DNAJC8: variants seen among roughly 807,000 people sequenced by gnomAD.
DNAJC8 encodes dnaJ homolog subfamily C member 8.
In DNAJC8, 24 loss-of-function variants were observed where a neutral mutation model predicts 43.2. The ratio of observed to expected loss-of-function variants is 0.56; its 90% CI spans 0.40 to 0.78. DNAJC8 has a LOEUF of 0.78. Among genes scored for constraint, DNAJC8 ranks in the 30% least tolerant of loss-of-function variants. DNAJC8 has a pLI of 0.00. For synonymous variants in DNAJC8, 83 were observed against 98.0 expected (o/e 0.85, Z 0.90); for missense variants, 207 against 299.4 (o/e 0.69, Z 2.28).
intron 2 of DNAJC8, among the ~76,000 whole-genome samples, chr1:28,224,238 A>T (rs1260138025): frequency 6.6e-6 from 1 of 152,206 alleles, no homozygotes; most frequent in Non-Finnish European, 1.5e-5. Context: ...ATACTTATTC[A>T]TTACAAAGGG....
chr1:28,210,511 G>T lies in DNAJC8; in HGVS notation c.304+60C>A. 2.8e-6 allele frequency: 4 copies of T among 1,439,344 alleles called. No individual in the cohort carries two copies. The South Asian group carries it at 4.6e-5, about 17-fold the overall frequency. The allele number at this position is 1,439,344 out of a possible 1,614,324, so 89.2% of individuals were successfully genotyped here. Reference sequence around the variant, plus strand: ...CAGTCTTTGCTTGATCTAGGACAAGGAACAGTTAGGCCCTGCCATTCACAA... The same window carrying T: ...CAGTCTTTGCTTGATCTAGGACAAGTAACAGTTAGGCCCTGCCATTCACAA... On this transcript the variant is annotated intron_variant, in intron 4 of 8. Coordinates refer to ENST00000263697, the MANE Select transcript of DNAJC8 (RefSeq NM_014280.3).
chr1:28,216,830 C>T (rs1310704686), intron 2 of DNAJC8, among the ~76,000 whole-genome samples: 6 of 135,628 alleles, frequency 4.4e-5, no homozygotes, highest in Non-Finnish European at 7.8e-5. Flanking sequence ...TTTTTTGAGA[C>T]GGAGTTTTGC....
At chr1:28,221,535 T>TA (rs977038544) in intron 2 of DNAJC8, among the ~76,000 whole-genome samples, 1 of 152,132 alleles carries the variant, frequency 6.6e-6, no homozygotes, top group Non-Finnish European at 1.5e-5. Context: ...AATAGGGCAC[T>TA]AAAATCCTAG....
intron 2 of DNAJC8, among the ~76,000 whole-genome samples, chr1:28,224,136 T>C (rs929645731): frequency 1.6e-4 from 25 of 152,222 alleles, no homozygotes; most frequent in South Asian, 1.2e-3. Flanking sequence ...CTGAATAAAA[T>C]AGAAAAACCT....
In DNAJC8 at chr1:28,205,273, T is replaced by G. The variant is rs1429102074; in HGVS notation, c.548A>C (p.Lys183Thr). Residue 183 changes from lysine to threonine, a missense_variant, in exon 7 of 9, where the codon AAA (lysine) becomes ACA (threonine). By Grantham distance (78) the Lys-to-Thr change is moderately conservative. Around this residue, in one of 2 missense-constraint regions of DNAJC8, gnomAD observed 159 missense variants for 267.5 expected, o/e 0.59. Transcript: ENST00000263697. The part of the protein sequence containing the change: ...LEIKRKEREA[K>T]EMHERKRQRE... ...TGATATGTACCTTTCATGCATCTCT[T>G]TGGCTTCTCTCTCTTTCCTTTTAAT... 1 of 1,612,370 alleles carries G rather than the reference T, an allele frequency of 6.2e-7. No homozygotes were observed. Among genetic ancestry groups the G allele is most frequent in the Non-Finnish European group, 8.5e-7 (1 of 1,179,286 alleles).
chr1:28,228,534 T>C (rs1027837204), intron 2 of DNAJC8, among the ~76,000 whole-genome samples: 12 of 152,048 alleles, frequency 7.9e-5, no homozygotes, highest in African/African-American at 2.2e-4. Context: ...AAAGACAATC[T>C]ATATACAGGT....
At position 28,214,985 on chromosome 1, in the gene DNAJC8, T is replaced by C; in HGVS notation, c.192A>G (p.Ile64Met). 1 of 1,608,396 alleles carries C rather than the reference T, an allele frequency of 6.2e-7. No individual in the cohort carries two copies. Among genetic ancestry groups the C allele is most frequent in the Non-Finnish European group, 8.5e-7 (1 of 1,177,378 alleles). The change falls in exon 3 of 9, where the codon ATA (isoleucine) becomes ATG (methionine). Residue 64 changes from isoleucine (I) to methionine (M), a missense_variant. By Grantham distance (10) the Ile-to-Met change is conservative. Coordinates refer to ENST00000263697, the MANE Select transcript of DNAJC8 (RefSeq NM_014280.3). The stretch of plus-strand genomic sequence containing the variant: ...TTTCTTCATCTGTAACTTCAGGATC[T>C]ATCTGAAGAACCTGGAAGTATCAAA... ...FNLNPFEVLQ[I>M]DPEVTDEEIK...
chr1:28,222,127 C>G (rs1017307647), intron 2 of DNAJC8, among the ~76,000 whole-genome samples: 1 of 151,968 alleles, frequency 6.6e-6, no homozygotes, highest in Non-Finnish European at 1.5e-5. Context: ...TTCAGTTTTA[C>G]AAGATGAAAA....
intron 2 of DNAJC8, among the ~76,000 whole-genome samples, chr1:28,223,901 C>T (rs903674773): frequency 1.3e-5 from 2 of 152,072 alleles, no homozygotes; most frequent in Non-Finnish European, 2.9e-5. Context: ...AATGAATCTA[C>T]CTAGCATTCA....
intron 3 of DNAJC8, among the ~76,000 whole-genome samples, chr1:28,212,470 C>T (rs548770730): frequency 7.3e-5 from 11 of 150,710 alleles, no homozygotes; most frequent in Admixed American, 2.0e-4. Flanking sequence ...TTTGTAGAGA[C>T]GGGGTTTCAC....
chr1:28,230,552 T>A (rs923427940), intron 1 of DNAJC8, among the ~76,000 whole-genome samples: 2 of 152,226 alleles, frequency 1.3e-5, no homozygotes, highest in South Asian at 2.1e-4. Flanking sequence ...ACCTTGTCTC[T>A]ATTTTTTAAA....
chr1:28,208,848 A>G (rs1646789125), intron 5 of DNAJC8: 1 of 152,866 alleles, frequency 6.5e-6, no homozygotes, highest in Admixed American at 6.5e-5. Context: ...CTATAACTGC[A>G]TTCTTGATCA....
At chr1:28,226,274 G>A (rs137933906) in intron 2 of DNAJC8, among the ~76,000 whole-genome samples, 2 of 151,192 alleles carry the variant, frequency 1.3e-5, no homozygotes, top group Admixed American at 1.3e-4. Flanking sequence ...GAGAGGCCGA[G>A]GCAGGCAGAT....
Position 28,203,730 on chromosome 1 carries a change from C to T in DNAJC8, c.639+17G>A, listed in dbSNP as rs1211938942. 2 of 1,613,678 alleles carry T rather than the reference C, an allele frequency of 1.2e-6. No homozygotes were observed. Among genetic ancestry groups the T allele is most frequent in the South Asian group, 2.2e-5 (2 of 91,078 alleles). ...CTTATTCTGGAATTAGAATCCCTGGCCACCTTGGAAATTTACCTCAAAGTT... is the reference window on the plus strand; with the variant it reads ...CTTATTCTGGAATTAGAATCCCTGGTCACCTTGGAAATTTACCTCAAAGTT... On this transcript the variant is annotated intron_variant, in intron 8 of 8. Coordinates refer to ENST00000263697, the MANE Select transcript of DNAJC8 (RefSeq NM_014280.3).
At chr1:28,229,512 G>A (rs927958989) in intron 1 of DNAJC8, among the ~76,000 whole-genome samples, 1 of 152,062 alleles carries the variant, frequency 6.6e-6, no homozygotes, top group Non-Finnish European at 1.5e-5. Flanking sequence ...AGTGGCTCAC[G>A]CCTGTAATCC....
chr1:28,210,167 C>T, intron 4 of DNAJC8, 101 bp from the exon 5 acceptor site: 2 of 952,862 alleles, frequency 2.1e-6, no homozygotes, highest in Middle Eastern at 2.1e-4. Flanking sequence ...TAAAGCATTC[C>T]CTACTTTAAT....
At position 28,232,982 on chromosome 1, in the gene DNAJC8, T is replaced by A. The variant is rs1460091152; in HGVS notation, c.17A>T (p.Glu6Val). 1 of 1,612,530 alleles carries A rather than the reference T, an allele frequency of 6.2e-7. No individual in the cohort carries two copies. Among genetic ancestry groups the A allele is most frequent in the Non-Finnish European group, 8.5e-7 (1 of 1,179,970 alleles). Residue 6 changes from glutamate to valine, a missense_variant, in exon 1 of 9, where the codon GAG (glutamate) becomes GTG (valine). Around this residue, in one of 2 missense-constraint regions of DNAJC8, gnomAD observed 48 missense variants for 31.9 expected, o/e 1.50. Coordinates refer to ENST00000263697, the MANE Select transcript of DNAJC8 (RefSeq NM_014280.3). ...GCCTCCGCCGCCTGAAGTCCCGCTC[T>A]CTCCTGAAGCCGCCATTTCCCCGGC... The part of the protein sequence containing the change: MAASG[E>V]SGTSGGGGST...
At chr1:28,227,451 A>ACATGGTG (rs1646944379) in intron 2 of DNAJC8, among the ~76,000 whole-genome samples, 1 of 148,692 alleles carries the variant, frequency 6.7e-6, no homozygotes, top group South Asian at 2.1e-4. Flanking sequence ...CTGAGGCTGG[A>ACATGGTG]CATGGTGGCG....
At chr1:28,217,113 C>T (rs1038597695) in intron 2 of DNAJC8, among the ~76,000 whole-genome samples, 1 of 151,428 alleles carries the variant, frequency 6.6e-6, no homozygotes, top group Admixed American at 6.6e-5. Context: ...TGGCCTTAAG[C>T]AACACTTCTT....
Sources: gnomAD v4.1 joint callset for allele counts (sites outside exome capture counted in the v4.1 genomes callset) on GRCh38, gnomAD v4.1.1 for gene constraint, gnomAD v4.1.1 regional missense constraint, MANE v1.5 for transcripts, NCBI Gene and HGNC (gene_info 2026-07-23, HGNC 2026-07-21) for gene names.